Variants in POM121 observed in about 807,000 individuals in gnomAD.
The protein encoded by POM121 is POM121 transmembrane nucleoporin, also known as nuclear envelope pore membrane protein POM 121.
POM121 carries 32 observed loss-of-function variants against 81.3 expected under a neutral mutation model. The observed-to-expected ratio is 0.39, with a 90% confidence interval of 0.30 to 0.53. The LOEUF (loss-of-function observed/expected upper bound fraction) is 0.53. POM121 is among the 20% of genes least tolerant of loss of function. The probability of loss-of-function intolerance (pLI) is 0.66; values close to 1 mark genes in which losing one functional copy is unlikely to be tolerated. For missense variants in POM121, 1,138 were observed against 1,614.6 expected, an observed-to-expected ratio of 0.70 and a Z score of 5.06; for synonymous variants, 514 against 694.2, an observed-to-expected ratio of 0.74 and a Z score of 4.08.
intron 4 of POM121, among the ~76,000 whole-genome samples, chr7:72,918,136 C>T (rs781869383): frequency 6.6e-6 from 1 of 152,188 alleles, no homozygotes; most frequent in Non-Finnish European, 1.5e-5. Flanking sequence ...CACTGAAGTA[C>T]AGCATCACGG....
At chr7:72,905,293 T>A (rs1386694394) in intron 3 of POM121, among the ~76,000 whole-genome samples, 1 of 152,244 alleles carries the variant, frequency 6.6e-6, no homozygotes, top group Admixed American at 6.5e-5. Flanking sequence ...TATTTAAAAG[T>A]GTATTTAATT....
At chr7:72,922,716 T>C (rs1459614563), upstream of POM121, among the ~76,000 whole-genome samples, 1 of 152,132 alleles carries the variant, frequency 6.6e-6, no homozygotes, top group African/African-American at 2.4e-5. Context: ...AATGTAGTCA[T>C]ATTTATCTAT....
intron 3 of POM121, among the ~76,000 whole-genome samples, chr7:72,898,771 C>G (rs1204832808): frequency 1.5e-5 from 2 of 134,750 alleles, no homozygotes; most frequent in Non-Finnish European, 3.1e-5. Flanking sequence ...GCACTCCAGC[C>G]TGGGTGACAG....
intron 1 of POM121, among the ~76,000 whole-genome samples, chr7:72,888,196 T>C (rs1258658324): frequency 1.3e-5 from 2 of 152,172 alleles, no homozygotes; most frequent in African/African-American, 4.8e-5. Flanking sequence ...CAAATTTTTT[T>C]TTCCCTGAGC....
chr7:72,909,469 A>T (rs568358026), intron 3 of POM121, among the ~76,000 whole-genome samples: 1 of 152,296 alleles, frequency 6.6e-6, no homozygotes, highest in East Asian at 1.9e-4. Context: ...GTGTTATGTT[A>T]TGAGGCTGTA....
chr7:72,948,562 C>T (rs782337506), downstream of POM121: 14 of 1,613,128 alleles, frequency 8.7e-6, no homozygotes, highest in Middle Eastern at 1.6e-4. Context: ...GCTGGGTGTG[C>T]GTTCTGGTGC....
In POM121 at chr7:72,925,474, ACCT is replaced by A. The variant is rs782437996; in HGVS notation, c.357_359del (p.Leu120del). On this transcript the variant is annotated inframe_deletion, in exon 1 of 13. Coordinates refer to ENST00000434423, the MANE Select transcript of POM121 (RefSeq NM_001387691.1). ...CTGGCCAAGTCGACAGCCAACGGAAACCTCCTAGAGCCGCGGACCCTGCTCGAA... is the reference window on the plus strand; with the variant it reads ...CTGGCCAAGTCGACAGCCAACGGAAACCTAGAGCCGCGGACCCTGCTCGAA... 8.5e-6 allele frequency: 13 copies of A among 1,532,392 alleles called. No homozygotes were observed. The Admixed American group carries it at 1.2e-4, about 14-fold the overall frequency. 94.9% of individuals were successfully genotyped at this position (1,532,392 alleles called of 1,614,324 possible). A position where few individuals can be genotyped will look rare whatever the true frequency, so the allele number is the denominator to read the frequency against.
intron 4 of POM121, among the ~76,000 whole-genome samples, chr7:72,915,865 T>A (rs1483548533): frequency 6.6e-6 from 1 of 152,132 alleles, no homozygotes; most frequent in Non-Finnish European, 1.5e-5. Flanking sequence ...TAGAGTAATT[T>A]AGTAATTTTT....
Position 72,948,249 on chromosome 7 carries a change from G to C in POM121, c.*2015G>C. On this transcript the variant is annotated 3_prime_UTR_variant, in exon 13 of 13. Coordinates refer to ENST00000434423, the MANE Select transcript of POM121 (RefSeq NM_001387691.1). ...GTTGGAATTTTTAGTATGAATGTGAGATTTTTCTCCTGCTTGTGACATTAA... is the reference window on the plus strand; with the variant it reads ...GTTGGAATTTTTAGTATGAATGTGACATTTTTCTCCTGCTTGTGACATTAA... The C allele has an allele frequency of 2.7e-6, 4 of 1,456,496 alleles. No individual in the cohort carries two copies. The highest frequency in any genetic ancestry group is 2.7e-6 in the Non-Finnish European group (3 of 1,105,164). The allele number at this position is 1,456,496 out of a possible 1,614,324, so 90.2% of individuals were successfully genotyped here. A position where few individuals can be genotyped will look rare whatever the true frequency, so the allele number is the denominator to read the frequency against.
chr7:72,883,564 G>A (rs1345671071), intron 1 of POM121, among the ~76,000 whole-genome samples: 9 of 151,968 alleles, frequency 5.9e-5, no homozygotes, highest in African/African-American at 1.7e-4. Flanking sequence ...TGTCTCCTGC[G>A]TGCTCATTGT....
intron 3 of POM121, among the ~76,000 whole-genome samples, chr7:72,895,593 C>T (rs1791861684): frequency 6.6e-6 from 1 of 152,162 alleles, no homozygotes; most frequent in South Asian, 2.1e-4. Context: ...TACCCATTCT[C>T]TTGAGACTAA....
downstream of POM121, chr7:72,949,733 T>C (rs570301978): frequency 2.1e-5 from 16 of 770,396 alleles, no homozygotes; most frequent in Non-Finnish European, 3.5e-5. Flanking sequence ...TACCGTGAAC[T>C]ACTTTGGTGC....
intron 5 of POM121, among the ~76,000 whole-genome samples, chr7:72,936,238 G>C (rs1475518865): frequency 6.6e-6 from 1 of 151,850 alleles, no homozygotes. Flanking sequence ...TGTTACCTAG[G>C]CTGGTCTCAA....
chr7:72,928,347 T>C, intron 3 of POM121, 38 bp from the exon 4 acceptor site: 1 of 1,612,898 alleles, frequency 6.2e-7, no homozygotes, highest in African/African-American at 1.3e-5. Context: ...ACAAAAAAAG[T>C]CATGTCATTT....
chr7:72,926,200 C>T, intron 1 of POM121, 62 bp from the exon 2 acceptor site: 1 of 1,478,990 alleles, frequency 6.8e-7, no homozygotes, highest in South Asian at 1.2e-5. Flanking sequence ...GGTTTTTAAC[C>T]GTTTAAAAAT....
chr7:72,897,692 T>G (rs1351693516), intron 3 of POM121, among the ~76,000 whole-genome samples: 2 of 152,146 alleles, frequency 1.3e-5, no homozygotes, highest in East Asian at 3.9e-4. Flanking sequence ...GAGAGGCAGC[T>G]GCAGATAGAA....
At chr7:72,932,483 G>A (rs1349323210) in intron 5 of POM121, among the ~76,000 whole-genome samples, 1 of 151,984 alleles carries the variant, frequency 6.6e-6, no homozygotes, top group Non-Finnish European at 1.5e-5. Context: ...GGTTGTTTCA[G>A]TCTTCTGCTA....
chr7:72,904,647 C>T (rs868932255), intron 3 of POM121, among the ~76,000 whole-genome samples: 18 of 152,212 alleles, frequency 1.2e-4, no homozygotes, highest in African/African-American at 4.3e-4. Flanking sequence ...TAAAAAAACC[C>T]AGTTTTCCTA....
chr7:72,936,994 C>T lies in POM121; in HGVS notation c.1276-1596C>T, dbSNP rs576947722. On this transcript the variant is annotated intron_variant, in intron 5 of 12. Coordinates refer to ENST00000434423, the MANE Select transcript of POM121 (RefSeq NM_001387691.1). ...ACAGGTGGCTAGGTGTGGTGGCTCACGCCTGTAATCCCAGCACTTTTGGAG... is the reference window on the plus strand; with the variant it reads ...ACAGGTGGCTAGGTGTGGTGGCTCATGCCTGTAATCCCAGCACTTTTGGAG... Among the ~76,000 whole-genome samples the T allele has an allele frequency of 1.9e-4, 29 of 151,856 alleles. No homozygotes were observed. In the East Asian group the frequency reaches 5.1e-3, roughly 27 times the overall value.
Sources: allele counts gnomAD v4.1 joint callset (sites outside exome capture counted in the v4.1 genomes callset), GRCh38; gene constraint gnomAD v4.1.1; transcripts MANE v1.5; gene names NCBI Gene and HGNC (gene_info 2026-07-23, HGNC 2026-07-21).